The following CAMK4 variants were observed in gnomAD, a reference collection of about 807,000 sequenced individuals.
The protein encoded by CAMK4 is calcium/calmodulin dependent protein kinase IV.
Under a neutral mutation model 44.9 loss-of-function variants are expected in CAMK4, and 22 were observed. The observed-to-expected ratio is 0.49, with a 90% CI of 0.35 to 0.70. The LOEUF (loss-of-function observed/expected upper bound fraction) is 0.70, where lower values mean the gene tolerates loss of function less well. CAMK4 is among the 30% of genes least tolerant of loss of function. The probability of loss-of-function intolerance (pLI) is 0.01; values close to 1 mark genes in which losing one functional copy is unlikely to be tolerated. For missense variants in CAMK4, 498 were observed against 586.8 expected (o/e 0.85, Z 1.56); for synonymous variants, 218 against 215.4 (o/e 1.01, Z -0.11).
At chr5:111,404,290 C>T (rs1441495536) in intron 5 of CAMK4, among the ~76,000 whole-genome samples, 29 of 152,158 alleles carry the variant, frequency 1.9e-4, no homozygotes, top group Non-Finnish European at 1.5e-5. Context: ...TGCCAATAGG[C>T]ACTTGGGACA....
chr5:111,377,850 A>C (rs766635369), intron 4 of CAMK4, among the ~76,000 whole-genome samples: 1 of 152,106 alleles, frequency 6.6e-6, no homozygotes, highest in Non-Finnish European at 1.5e-5. Flanking sequence ...GACTGAGGGA[A>C]CCATTGATGT....
chr5:111,337,984 G>GT (rs530429808), intron 1 of CAMK4, among the ~76,000 whole-genome samples: 45 of 151,208 alleles, frequency 3.0e-4, no homozygotes, highest in Non-Finnish European at 4.7e-4. Context: ...TTCACAATGT[G>GT]TAGTTGCATC....
chr5:111,369,053 T>A (rs997953982), intron 2 of CAMK4, among the ~76,000 whole-genome samples: 9 of 148,802 alleles, frequency 6.0e-5, no homozygotes, highest in Non-Finnish European at 8.9e-5. Flanking sequence ...ATAATAATAA[T>A]ATAATAATAA....
At chr5:111,478,140 T>G (rs1342799820) in intron 8 of CAMK4, among the ~76,000 whole-genome samples, 3 of 151,566 alleles carry the variant, frequency 2.0e-5, no homozygotes, top group Admixed American at 6.6e-5. Context: ...ATAATTATTA[T>G]TATAGCTTTT....
At chr5:111,319,399 C>T (rs41477750) in intron 1 of CAMK4, among the ~76,000 whole-genome samples, 5,452 of 152,242 alleles carry the variant, frequency 0.036, 127 homozygotes, top group South Asian at 0.066. Context: ...ATTAACTTCC[C>T]AAACTGTGCT....
intron 5 of CAMK4, among the ~76,000 whole-genome samples, chr5:111,408,407 G>A (rs947172717): frequency 2.0e-5 from 3 of 152,076 alleles, no homozygotes; most frequent in South Asian, 2.1e-4. Flanking sequence ...CTTTTGCATC[G>A]GATCTTGTGA....
chr5:111,278,973 T>A (rs1750887059), intron 1 of CAMK4, among the ~76,000 whole-genome samples: 2 of 152,174 alleles, frequency 1.3e-5, no homozygotes, highest in African/African-American at 4.8e-5. Context: ...GGTACCGCAA[T>A]ACAACCTCTG....
chr5:111,302,058 C>CT (rs1400785962), intron 1 of CAMK4, among the ~76,000 whole-genome samples: 1 of 152,178 alleles, frequency 6.6e-6, no homozygotes, highest in African/African-American at 2.4e-5. Context: ...GCCCTGGATT[C>CT]TTTAAGCCTT....
At chr5:111,456,389 G>A (rs988060411) in intron 7 of CAMK4, among the ~76,000 whole-genome samples, 2 of 151,966 alleles carry the variant, frequency 1.3e-5, no homozygotes. Context: ...TACTCGGGAG[G>A]CTGAGGCAGG....
chr5:111,401,403 T>G (rs1752221467), intron 5 of CAMK4, among the ~76,000 whole-genome samples: 1 of 152,212 alleles, frequency 6.6e-6, no homozygotes, highest in African/African-American at 2.4e-5. Flanking sequence ...GAGTAACTAT[T>G]AAATCTATTT....
intron 8 of CAMK4, 144 bp downstream of exon 8, chr5:111,473,530 G>T (rs1421044660): frequency 1.6e-5 from 10 of 607,280 alleles, no homozygotes; most frequent in Non-Finnish European, 2.9e-5. Context: ...GTTAGTGATA[G>T]AATTTCCTGA....
intron 2 of CAMK4, among the ~76,000 whole-genome samples, chr5:111,346,504 A>G (rs1314861446): frequency 1.3e-5 from 2 of 151,502 alleles, no homozygotes; most frequent in Admixed American, 6.6e-5. Flanking sequence ...CTATCTATCT[A>G]TCTATCTATC....
Position 111,469,906 on chromosome 5 carries a change from A to T in CAMK4, c.626-3405A>T, listed in dbSNP as rs1291820998. 3.9e-5 allele frequency among the ~76,000 whole-genome samples: 6 copies of T among 152,246 alleles called. No individual in the cohort carries two copies. The East Asian group carries it at 1.2e-3, about 29-fold the overall frequency. On this transcript the variant is annotated intron_variant, in intron 7 of 10. Transcript: ENST00000282356. ...ATTTACAGTTTAGAGGTAAAAAACC[A>T]AGATCCAGAAAATATAAAAGACTCT...
chr5:111,260,850 G>A (rs1749943189), intron 1 of CAMK4, among the ~76,000 whole-genome samples: 1 of 152,104 alleles, frequency 6.6e-6, no homozygotes, highest in Non-Finnish European at 1.5e-5. Context: ...AACCTAATAT[G>A]TGTCCTGGTC....
intron 1 of CAMK4, among the ~76,000 whole-genome samples, chr5:111,343,752 T>C (rs752692363): frequency 1.3e-5 from 2 of 151,768 alleles, no homozygotes; most frequent in Non-Finnish European, 2.9e-5. Context: ...TCCAGAGCCT[T>C]CTCAATGCAG....
chr5:111,282,436 C>T (rs1000909336), intron 1 of CAMK4, among the ~76,000 whole-genome samples: 1 of 152,162 alleles, frequency 6.6e-6, no homozygotes, highest in Non-Finnish European at 1.5e-5. Context: ...GAAAAAATAT[C>T]AGTACTGTAA....
chr5:111,234,945 A>G (rs1667984166), intron 1 of CAMK4, among the ~76,000 whole-genome samples: 1 of 152,230 alleles, frequency 6.6e-6, no homozygotes, highest in South Asian at 2.1e-4. Context: ...ACTGGAACAT[A>G]GAAGTGGAGA....
intron 1 of CAMK4, among the ~76,000 whole-genome samples, chr5:111,276,006 ATAT>A (rs532707195): frequency 1.5e-3 from 225 of 152,264 alleles, no homozygotes; most frequent in Non-Finnish European, 2.8e-3. Flanking sequence ...CTTGTATCAA[ATAT>A]TATTGACAAT....
intron 7 of CAMK4, among the ~76,000 whole-genome samples, chr5:111,460,708 T>C (rs1237020824): frequency 6.6e-6 from 1 of 152,214 alleles, no homozygotes; most frequent in African/African-American, 2.4e-5. Flanking sequence ...AATACCACTT[T>C]GCTGGCATCC....
Sources: allele counts gnomAD v4.1 joint callset (sites outside exome capture counted in the v4.1 genomes callset), GRCh38; gene constraint gnomAD v4.1.1; transcripts MANE v1.5; gene names NCBI Gene and HGNC (gene_info 2026-07-23, HGNC 2026-07-21).